Variants in DCC observed in about 807,000 individuals in gnomAD.
The protein encoded by DCC is DCC netrin 1 receptor.
DCC carries 58 observed loss-of-function variants against 172.5 expected under a neutral mutation model. The observed-to-expected ratio is 0.34, with a 90% CI of 0.27 to 0.42. The LOEUF is 0.42. DCC is among the 10% of genes least tolerant of loss of function. The probability of loss-of-function intolerance (pLI) is 1.00; values close to 1 mark genes in which losing one functional copy is unlikely to be tolerated. For synonymous variants in DCC, 709 were observed against 644.5 expected (o/e 1.10, Z -1.52); for missense variants, 1,740 against 1,791.0 (o/e 0.97, Z 0.51).
At chr18:52,875,218 C>A (rs1360806996) in intron 2 of DCC, among the ~76,000 whole-genome samples, 2 of 135,690 alleles carry the variant, frequency 1.5e-5, no homozygotes, top group Non-Finnish European at 3.3e-5. Flanking sequence ...TTAAAACACA[C>A]AACAGCGAAA....
At chr18:52,850,593 G>C (rs1462443245) in intron 2 of DCC, among the ~76,000 whole-genome samples, 1 of 152,056 alleles carries the variant, frequency 6.6e-6, no homozygotes, top group Non-Finnish European at 1.5e-5. Flanking sequence ...ATCTTGAAAA[G>C]ACAAAGATTA....
intron 8 of DCC, among the ~76,000 whole-genome samples, chr18:53,163,304 G>C (rs1298233104): frequency 1.3e-5 from 2 of 152,164 alleles, no homozygotes; most frequent in African/African-American, 4.8e-5. Context: ...TACTGAGGAG[G>C]ATGAATAAGC....
intron 1 of DCC, among the ~76,000 whole-genome samples, chr18:52,695,365 C>G (rs1327616596): frequency 2.0e-5 from 3 of 152,180 alleles, no homozygotes. Context: ...TCCTGAAACT[C>G]TTCAATTATT....
chr18:52,897,637 T>C (rs1032062072), intron 2 of DCC, among the ~76,000 whole-genome samples: 4 of 152,232 alleles, frequency 2.6e-5, no homozygotes, highest in Admixed American at 6.5e-5. Flanking sequence ...GTAATCTGCC[T>C]ATACTGTTTT....
intron 1 of DCC, among the ~76,000 whole-genome samples, chr18:52,747,100 A>AG (rs11447567): frequency 0.98 from 149,845 of 152,258 alleles, 73,786 homozygotes; most frequent in East Asian, 1. Flanking sequence ...TTTCAACCAA[A>AG]ATTTAGAAAT....
At chr18:53,392,292 C>A (rs1908599970) in intron 17 of DCC, among the ~76,000 whole-genome samples, 1 of 151,518 alleles carries the variant, frequency 6.6e-6, no homozygotes, top group South Asian at 2.1e-4. Context: ...CACAGAGACT[C>A]ATCTTTCAGT....
chr18:52,568,453 G>A (rs2033215328), intron 1 of DCC, among the ~76,000 whole-genome samples: 1 of 152,032 alleles, frequency 6.6e-6, no homozygotes, highest in Non-Finnish European at 1.5e-5. Context: ...TGAAAAAATG[G>A]TGACTCTTTA....
At chr18:53,427,083 T>C (rs1216281834) in intron 21 of DCC, among the ~76,000 whole-genome samples, 1 of 152,136 alleles carries the variant, frequency 6.6e-6, no homozygotes, top group East Asian at 1.9e-4. Flanking sequence ...TTATGGATCA[T>C]TCCGTGGCCT....
intron 2 of DCC, among the ~76,000 whole-genome samples, chr18:52,879,067 T>TA (rs1199369759): frequency 2.0e-5 from 3 of 152,210 alleles, no homozygotes; most frequent in African/African-American, 7.2e-5. Context: ...TAAACTGCTC[T>TA]AATACCAGGT....
intron 1 of DCC, among the ~76,000 whole-genome samples, chr18:52,725,019 C>T (rs1188747976): frequency 1.3e-5 from 2 of 152,180 alleles, no homozygotes; most frequent in African/African-American, 4.8e-5. Context: ...GGGTTATTTT[C>T]TTCACCAGGG....
In DCC at chr18:52,609,717, G is replaced by C. The variant is rs143253349; in HGVS notation, c.92-142337G>C. Among the ~76,000 whole-genome samples the C allele has an allele frequency of 3.7e-3, 555 of 150,090 alleles. 5 individuals carry two copies. The highest frequency in any genetic ancestry group is 0.013 in the African/African-American group (515 of 41,166). On this transcript the variant is annotated intron_variant, in intron 1 of 28. Transcript: ENST00000442544. ...TCTGATTACTTCTTATATCTGGACG[G>C]GGACCTGAAAAAAAAAAATCTTTGT...
intron 7 of DCC, among the ~76,000 whole-genome samples, chr18:53,066,816 T>C (rs920014203): frequency 5.3e-5 from 8 of 152,074 alleles, no homozygotes; most frequent in Non-Finnish European, 1.2e-4. Context: ...CCACAGGCTG[T>C]ATAGGAAGCA....
At chr18:52,554,971 G>A (rs1291301873) in intron 1 of DCC, among the ~76,000 whole-genome samples, 4 of 152,032 alleles carry the variant, frequency 2.6e-5, no homozygotes, top group African/African-American at 9.7e-5. Flanking sequence ...TAGAATTTAG[G>A]CTTGGCATAA....
chr18:53,045,822 G>T (rs148420600), intron 5 of DCC, among the ~76,000 whole-genome samples: 1 of 151,716 alleles, frequency 6.6e-6, no homozygotes, highest in East Asian at 1.9e-4. Flanking sequence ...GTTTTATTCC[G>T]AATTACCACT....
chr18:53,081,367 AT>A (rs2042800030), intron 7 of DCC, among the ~76,000 whole-genome samples: 1 of 152,126 alleles, frequency 6.6e-6, no homozygotes, highest in South Asian at 2.1e-4. Context: ...TCTTAAAAAA[AT>A]CTATCTTATG....
At chr18:52,471,393 G>A (rs1305639341) in intron 1 of DCC, among the ~76,000 whole-genome samples, 1 of 152,174 alleles carries the variant, frequency 6.6e-6, no homozygotes, top group Non-Finnish European at 1.5e-5. Flanking sequence ...ATGTAAAAGA[G>A]AACACGTGCA....
intron 5 of DCC, among the ~76,000 whole-genome samples, chr18:52,941,517 C>T (rs921850359): frequency 3.4e-5 from 5 of 145,020 alleles, no homozygotes; most frequent in African/African-American, 1.0e-4. Flanking sequence ...TATATATATA[C>T]ACACTTGTAT....
At chr18:52,666,790 C>T (rs1180940918) in intron 1 of DCC, among the ~76,000 whole-genome samples, 1 of 152,144 alleles carries the variant, frequency 6.6e-6, no homozygotes, top group Admixed American at 6.5e-5. Flanking sequence ...TGAAGAGGAT[C>T]TATTCTACAG....
chr18:52,607,772 A>G (rs2034167989), intron 1 of DCC, among the ~76,000 whole-genome samples: 1 of 152,182 alleles, frequency 6.6e-6, no homozygotes, highest in South Asian at 2.1e-4. Flanking sequence ...TTTGATATCA[A>G]TGCAATGTAA....
Sources: allele counts gnomAD v4.1 joint callset (sites outside exome capture counted in the v4.1 genomes callset), GRCh38; gene constraint gnomAD v4.1.1; transcripts MANE v1.5; gene names NCBI Gene and HGNC (gene_info 2026-07-23, HGNC 2026-07-21).